The following CA10 variants were observed in gnomAD, a reference collection of about 807,000 sequenced individuals.
CA10 encodes the protein carbonic anhydrase-related protein 10.
A neutral mutation model predicts 44.2 loss-of-function variants in CA10; 14 were observed. The ratio of observed to expected loss-of-function variants is 0.32; its 90% confidence interval spans 0.21 to 0.50. The LOEUF (loss-of-function observed/expected upper bound fraction) is 0.50, where lower values mean the gene tolerates loss of function less well. Ranked by LOEUF, CA10 falls within the 20% of genes least tolerant of loss-of-function variation. The pLI, the probability that CA10 is intolerant of heterozygous loss-of-function variation, is 0.99. For missense variants in CA10, 350 were observed against 409.7 expected, an observed-to-expected ratio of 0.85 and a Z score of 1.26; for synonymous variants, 159 against 141.6, an observed-to-expected ratio of 1.12 and a Z score of -0.87.
chr17:51,839,655 G>A (rs1219082847), intron 3 of CA10, among the ~76,000 whole-genome samples: 1 of 152,116 alleles, frequency 6.6e-6, no homozygotes, highest in African/African-American at 2.4e-5. Flanking sequence ...GACATATAAA[G>A]TAATGACAGG....
intron 3 of CA10, among the ~76,000 whole-genome samples, chr17:51,916,833 A>G (rs1982018571): frequency 6.6e-6 from 1 of 151,962 alleles, no homozygotes; most frequent in African/African-American, 2.4e-5. Context: ...GGCCTGGGGG[A>G]CCTGAAATAC....
chr17:51,942,412 A>C (rs1983113428), intron 2 of CA10, among the ~76,000 whole-genome samples: 1 of 151,874 alleles, frequency 6.6e-6, no homozygotes, highest in Non-Finnish European at 1.5e-5. Context: ...TTTTTTATCG[A>C]GGTGCTAGAT....
intron 6 of CA10, among the ~76,000 whole-genome samples, chr17:51,641,581 A>T (rs1913089199): frequency 6.6e-6 from 1 of 152,196 alleles, no homozygotes; most frequent in Non-Finnish European, 1.5e-5. Flanking sequence ...ACCCAATTTT[A>T]TTATTTCAAA....
intron 2 of CA10, among the ~76,000 whole-genome samples, chr17:51,956,618 AG>A (rs1237973791): frequency 6.6e-6 from 1 of 152,216 alleles, no homozygotes; most frequent in African/African-American, 2.4e-5. Flanking sequence ...TAGCAAAAAC[AG>A]GAAGTGGATC....
At chr17:51,856,837 C>T (rs1979068315) in intron 3 of CA10, among the ~76,000 whole-genome samples, 1 of 152,058 alleles carries the variant, frequency 6.6e-6, no homozygotes, top group Non-Finnish European at 1.5e-5. Flanking sequence ...AGATGGGGCT[C>T]AACAGGCTGA....
At chr17:51,794,403 G>A (rs143090693) in intron 3 of CA10, among the ~76,000 whole-genome samples, 157 of 152,260 alleles carry the variant, frequency 1.0e-3, no homozygotes, top group African/African-American at 3.6e-3. Context: ...TGTGGTTGAG[G>A]TGGATGCGGA....
intron 2 of CA10, among the ~76,000 whole-genome samples, chr17:52,030,286 A>G (rs916075618): frequency 2.0e-5 from 3 of 152,218 alleles, no homozygotes; most frequent in African/African-American, 7.2e-5. Context: ...ATCATGCCGT[A>G]GGGCCTGTTG....
At chr17:51,986,869 A>T (rs1046155751) in intron 2 of CA10, among the ~76,000 whole-genome samples, 1 of 151,982 alleles carries the variant, frequency 6.6e-6, no homozygotes, top group African/African-American at 2.4e-5. Context: ...AGATATCGGC[A>T]TGGATGTGCT....
At chr17:52,103,174 T>C (rs1270851671) in intron 1 of CA10, among the ~76,000 whole-genome samples, 4 of 152,224 alleles carry the variant, frequency 2.6e-5, no homozygotes, top group African/African-American at 9.6e-5. Context: ...AAAACCATCT[T>C]CCCTGGTAAT....
intron 3 of CA10, among the ~76,000 whole-genome samples, chr17:51,904,497 T>C (rs1981456824): frequency 6.6e-6 from 1 of 152,076 alleles, no homozygotes; most frequent in Non-Finnish European, 1.5e-5. Context: ...CATCCATCCT[T>C]TATCCATGAA....
chr17:51,838,907 G>A (rs1208842714), intron 3 of CA10, among the ~76,000 whole-genome samples: 1 of 152,146 alleles, frequency 6.6e-6, no homozygotes, highest in Non-Finnish European at 1.5e-5. Context: ...TAGACTCTAT[G>A]AATAATAAAG....
chr17:51,669,389 CTCTGTCAAAACGGACCAATCAGCAG>C (rs1362130842), intron 4 of CA10, among the ~76,000 whole-genome samples: 1 of 152,112 alleles, frequency 6.6e-6, no homozygotes, highest in Non-Finnish European at 1.5e-5. Context: ...CCAATCAGCA[CTCTGTCAAAACGGACCAATCAGCAG>C]GATGTGGGTG....
At chr17:51,660,654 A>C (rs1450222897) in intron 4 of CA10, among the ~76,000 whole-genome samples, 1 of 152,216 alleles carries the variant, frequency 6.6e-6, no homozygotes, top group East Asian at 1.9e-4. Flanking sequence ...CTCCATTAGC[A>C]GAAGCCCTTT....
intron 8 of CA10, among the ~76,000 whole-genome samples, chr17:51,632,438 G>C (rs989432490): frequency 1.3e-5 from 2 of 152,180 alleles, no homozygotes; most frequent in Admixed American, 1.3e-4. Flanking sequence ...AAAAAGAAGG[G>C]AACAAGGGGG....
intron 3 of CA10, among the ~76,000 whole-genome samples, chr17:51,836,051 G>GA (rs754745631): frequency 7.9e-5 from 12 of 151,082 alleles, no homozygotes; most frequent in South Asian, 2.1e-4. Context: ...AGGAGGAACA[G>GA]AAAAAAAAAT....
At chr17:51,787,788 CT>C (rs1174976152) in intron 3 of CA10, among the ~76,000 whole-genome samples, 2 of 152,216 alleles carry the variant, frequency 1.3e-5, no homozygotes, top group African/African-American at 2.4e-5. Flanking sequence ...GCCACTCCCC[CT>C]GGCCTCAGTG....
intron 2 of CA10, among the ~76,000 whole-genome samples, chr17:52,053,858 T>C (rs901719028): frequency 6.6e-6 from 1 of 152,130 alleles, no homozygotes; most frequent in South Asian, 2.1e-4. Flanking sequence ...TGTGAAGATT[T>C]CATGGACACT....
chr17:51,635,901 G>C lies in CA10; in HGVS notation c.743C>G (p.Ala248Gly). ...SMTIPPCYETASWIIMNKPVY... is the reference protein window; with the variant it reads ...SMTIPPCYETGSWIIMNKPVY... ...AGGTTTGTTCATTATGATCCAACTT[G>C]CTGTCTCATAGCAGGGTGGGATAGT... The change falls in exon 7 of 9, where the codon GCA (alanine) becomes GGA (glycine). Residue 248 changes from alanine to glycine, a missense_variant. Ala to Gly is a moderately conservative substitution (Grantham distance 60). Transcript: ENST00000451037. 1.2e-6 allele frequency: 2 copies of C among 1,608,746 alleles called. No individual in the cohort carries two copies. Among genetic ancestry groups the C allele is most frequent in the Non-Finnish European group, 1.7e-6 (2 of 1,176,580 alleles).
At chr17:51,941,932 T>C (rs1983091944) in intron 2 of CA10, among the ~76,000 whole-genome samples, 1 of 152,104 alleles carries the variant, frequency 6.6e-6, no homozygotes, top group African/African-American at 2.4e-5. Context: ...CTCTATCCCT[T>C]TAACACTCAC....
Sources: gnomAD v4.1 joint callset for allele counts (sites outside exome capture counted in the v4.1 genomes callset) on GRCh38, gnomAD v4.1.1 for gene constraint, MANE v1.5 for transcripts, NCBI Gene and HGNC (gene_info 2026-07-23, HGNC 2026-07-21) for gene names.